Variants in ZNF845 observed in about 807,000 individuals in gnomAD.
ZNF845 encodes the protein zinc finger protein 845.
ZNF845 carries 59 observed loss-of-function variants against 76.1 expected under a neutral mutation model. The observed-to-expected ratio is 0.78, with a 90% CI of 0.63 to 0.96. The LOEUF (loss-of-function observed/expected upper bound fraction) is 0.96. Ranked by LOEUF, ZNF845 falls within the 40% of genes least tolerant of loss-of-function variation. The pLI is 0.00. For missense variants in ZNF845, 1,045 were observed against 1,172.8 expected, an observed-to-expected ratio of 0.89 and a Z score of 1.59; for synonymous variants, 361 against 386.9, an observed-to-expected ratio of 0.93 and a Z score of 0.78.
At chr19:53,341,382 G>A (rs765612333) in intron 2 of ZNF845, 60 bp downstream of exon 2, 248 of 1,609,318 alleles carry the variant, frequency 1.5e-4, no homozygotes, top group Non-Finnish European at 1.9e-4. Context: ...CCTGGGCCTT[G>A]GAGTTGGGAA....
At chr19:53,340,315 G>A (rs1012453516) in intron 1 of ZNF845, among the ~76,000 whole-genome samples, 1 of 152,166 alleles carries the variant, frequency 6.6e-6, no homozygotes, top group Admixed American at 6.5e-5. Context: ...GCCTCCCAAC[G>A]TGCTGGGATT....
chr19:53,346,599 T>C (rs556007990), intron 3 of ZNF845, among the ~76,000 whole-genome samples: 250 of 152,300 alleles, frequency 1.6e-3, no homozygotes, highest in African/African-American at 5.5e-3. Context: ...GAGAGTTGCT[T>C]GAACCCGGGA....
At chr19:53,348,009 G>A (rs1488604258) in intron 3 of ZNF845, among the ~76,000 whole-genome samples, 1 of 152,194 alleles carries the variant, frequency 6.6e-6, no homozygotes, top group Non-Finnish European at 1.5e-5. Context: ...GGCCAACGCG[G>A]TGAAATCCCG....
intron 1 of ZNF845, among the ~76,000 whole-genome samples, chr19:53,335,518 C>T (rs1458660921): frequency 2.0e-5 from 3 of 152,112 alleles, no homozygotes; most frequent in Non-Finnish European, 2.9e-5. Flanking sequence ...GCCTTGGCCT[C>T]CCAAATTACT....
Position 53,351,238 on chromosome 19 carries a change from T to A in ZNF845, c.563T>A (p.Ile188Asn). ...QRISCRPKTH[I>N]SKNYGNNFLN... ...ATTTCTTGTAGGCCTAAAACCCACATTTCTAAGAACTATGGGAATAATTTC... is the reference window on the plus strand; with the variant it reads ...ATTTCTTGTAGGCCTAAAACCCACAATTCTAAGAACTATGGGAATAATTTC... Residue 188 changes from isoleucine to asparagine, a missense_variant, in exon 4 of 4, where the codon ATT becomes AAT. By Grantham distance (149) the Ile-to-Asn change is moderately radical. Coordinates refer to ENST00000458035, the MANE Select transcript of ZNF845 (RefSeq NM_138374.3). 6.2e-7 allele frequency: 1 copy of A among 1,614,234 alleles called. No homozygotes were observed. Among genetic ancestry groups the A allele is most frequent in the Non-Finnish European group, 8.5e-7 (1 of 1,180,044 alleles).
chr19:53,350,679 C>T, intron 3 of ZNF845, 139 bp from the exon 4 acceptor site: 2 of 1,135,476 alleles, frequency 1.8e-6, no homozygotes, highest in Non-Finnish European at 2.4e-6. Context: ...ATGAATCTTA[C>T]CCTTTTGCGT....
At chr19:53,344,604 A>ATTTTTTTTATTTTAT (rs371551119) in intron 2 of ZNF845, among the ~76,000 whole-genome samples, 1 of 126,908 alleles carries the variant, frequency 7.9e-6, no homozygotes, top group Non-Finnish European at 1.6e-5. Flanking sequence ...ATTTTATTTT[A>ATTTTTTTTATTTTAT]TTTATTTTAT....
Position 53,351,975 on chromosome 19 carries a change from A to G in ZNF845, c.1300A>G (p.Thr434Ala). Reference sequence around the variant, plus strand: ...CCTTGTATACCATCGTAGACTTCATACTGGAGAGAAACCTTACAAATGTGA... The same window carrying G: ...CCTTGTATACCATCGTAGACTTCATGCTGGAGAGAAACCTTACAAATGTGA... ...SSLVYHRRLHTGEKPYKCEEC... is the reference protein window; with the variant it reads ...SSLVYHRRLHAGEKPYKCEEC... The change falls in exon 4 of 4, where the codon ACT becomes GCT. Residue 434 changes from threonine to alanine, a missense_variant. Transcript: ENST00000458035. 6.2e-7 allele frequency: 1 copy of G among 1,614,058 alleles called. No homozygotes were observed. Among genetic ancestry groups the G allele is most frequent in the Non-Finnish European group, 8.5e-7 (1 of 1,179,978 alleles).
In ZNF845 at chr19:53,341,262, TG is replaced by T; in HGVS notation, c.-45del. ...TTGACTTCTAAAGACTCTTGGTACG[TG>T]AGGAAGAAACCCGGAAGAGGAAGAG... On this transcript the variant is annotated 5_prime_UTR_variant, in exon 2 of 4. Transcript: ENST00000458035. 4 of 1,612,722 alleles carry T rather than the reference TG, an allele frequency of 2.5e-6. No homozygotes were observed. Among genetic ancestry groups the T allele is most frequent in the Non-Finnish European group, 3.4e-6 (4 of 1,179,034 alleles).
At position 53,353,907 on chromosome 19, in the gene ZNF845, A is replaced by G. The variant is rs1033144864; in HGVS notation, c.*319A>G. 14 of 995,856 alleles carry G rather than the reference A, an allele frequency of 1.4e-5. No individual in the cohort carries two copies. The highest frequency in any genetic ancestry group is 1.3e-4 in the Admixed American group (5 of 37,896). The allele number at this position is 995,856 out of a possible 1,614,324, so 61.7% of individuals were successfully genotyped here. ...GTTTCAAATCATTGGAGAATCCATA[A>G]TGAGAGATTTTGAAAGTGTAATAAA... On this transcript the variant is annotated 3_prime_UTR_variant, in exon 4 of 4. Coordinates refer to ENST00000458035, the MANE Select transcript of ZNF845 (RefSeq NM_138374.3).
intron 2 of ZNF845, among the ~76,000 whole-genome samples, 196 bp from the exon 3 acceptor site, chr19:53,345,310 C>T (rs1011867301): frequency 2.0e-5 from 3 of 149,762 alleles, no homozygotes; most frequent in East Asian, 4.0e-4. Context: ...AGCGAGACTC[C>T]GTCTCAAAAA....
At chr19:53,346,446 C>T (rs1274430943) in intron 3 of ZNF845, 3 of 372,420 alleles carry the variant, frequency 8.1e-6, no homozygotes, top group East Asian at 1.0e-4. Flanking sequence ...TTTGGGAGGC[C>T]GAGGCAGGCA....
intron 2 of ZNF845, among the ~76,000 whole-genome samples, chr19:53,345,235 G>T (rs1264920227): frequency 6.6e-6 from 1 of 152,100 alleles, no homozygotes; most frequent in Non-Finnish European, 1.5e-5. Flanking sequence ...AGAATTCCTT[G>T]AACCTGGGAG....
intron 3 of ZNF845, among the ~76,000 whole-genome samples, 169 bp downstream of exon 3, chr19:53,345,801 G>T (rs532598972): frequency 6.6e-6 from 1 of 151,602 alleles, no homozygotes. Context: ...TCCCACCTCA[G>T]CCTCCCCCAG....
Position 53,345,777 on chromosome 19 carries a change from G to A in ZNF845, c.142+145G>A, listed in dbSNP as rs188216469. The A allele has an allele frequency of 4.1e-3, 6,202 of 1,501,818 alleles. 13 individuals carry two copies. The highest frequency in any genetic ancestry group is 5.1e-3 in the Non-Finnish European group (5,739 of 1,132,470). The allele number at this position is 1,501,818 out of a possible 1,614,324, so 93.0% of individuals were successfully genotyped here. On this transcript the variant is annotated intron_variant, in intron 3 of 3. Transcript: ENST00000458035. ...GTCTTACTGCAATCTTGAATTCCTG[G>A]GCTCATGTGATTGTCCCACCTCAGC...
chr19:53,354,951 C>G lies in ZNF845; in HGVS notation c.*1363C>G, dbSNP rs1318293510. 6.6e-6 allele frequency: 1 copy of G among 151,730 alleles called. No homozygotes were observed. Among genetic ancestry groups the G allele is most frequent in the Admixed American group, 6.6e-5 (1 of 15,200 alleles). The allele number at this position is 151,730 out of a possible 1,614,324, so 9.4% of individuals were successfully genotyped here. A position where few individuals can be genotyped will look rare whatever the true frequency, so the allele number is the denominator to read the frequency against. ...TCTTTTTTTTTGAGAAGGAGTCTCA[C>G]TCTTGTCACTTGGACTGGAGTACAA... is the stretch of plus-strand genomic sequence containing the variant. On this transcript the variant is annotated 3_prime_UTR_variant, in exon 4 of 4. Coordinates refer to ENST00000458035, the MANE Select transcript of ZNF845 (RefSeq NM_138374.3).
intron 3 of ZNF845, chr19:53,346,213 G>GT: frequency 3.9e-6 from 1 of 258,278 alleles, no homozygotes; most frequent in Non-Finnish European, 7.9e-6. Flanking sequence ...TCTCTTGTAG[G>GT]TTTTTTTGGT....
At chr19:53,340,848 T>A (rs1177068484) in intron 1 of ZNF845, 1 of 369,086 alleles carries the variant, frequency 2.7e-6, no homozygotes. Flanking sequence ...TTCCTGTTCC[T>A]GGGCCGAGGT....
At chr19:53,342,191 G>A (rs189380058) in intron 2 of ZNF845, among the ~76,000 whole-genome samples, 27 of 151,436 alleles carry the variant, frequency 1.8e-4, no homozygotes, top group African/African-American at 6.3e-4. Flanking sequence ...CTTGGCTCAC[G>A]GCAACCTCCA....
Sources: allele counts gnomAD v4.1 joint callset (sites outside exome capture counted in the v4.1 genomes callset), GRCh38; gene constraint gnomAD v4.1.1; transcripts MANE v1.5; gene names NCBI Gene and HGNC (gene_info 2026-07-23, HGNC 2026-07-21).